The following NEMP2 variants were observed in gnomAD, a reference collection of about 807,000 sequenced individuals.
The protein encoded by NEMP2 is UPF0571 transmembrane protein.
In NEMP2, 53 loss-of-function variants were observed where a neutral mutation model predicts 54.2. The observed-to-expected ratio is 0.98, with a 90% CI of 0.78 to 1.23. The LOEUF (loss-of-function observed/expected upper bound fraction) is 1.23. NEMP2 is among the 50% of genes most tolerant of loss of function. NEMP2 has a pLI of 0.00. For synonymous variants in NEMP2, 197 were observed against 190.3 expected (o/e 1.04, Z -0.29); for missense variants, 455 against 511.3 (o/e 0.89, Z 1.06).
chr2:190,593,044 G>C, the NEMP2 span, among the ~76,000 whole-genome samples: 1 of 152,068 alleles, frequency 6.6e-6, no homozygotes, highest in African/African-American at 2.4e-5. The surrounding 1 kb of genome is among the most constrained non-coding windows in gnomAD (Gnocchi z 4.5). Flanking sequence ...CCAAGGCTTG[G>C]GTATGGCCAT....
rs1691058055 is a variant in NEMP2 at position 190,529,308 on chromosome 2, A to G, written c.98-3930T>C. ...CCCTTCCAGGGACCTGAGTGCCTCT[A>G]TGACCTTCCCTCCTCCACCTTCCCT... On this transcript the variant is annotated intron_variant, in intron 1 of 8. Transcript: ENST00000409150. The surrounding 1 kb of genome is among the most constrained non-coding windows in gnomAD (Gnocchi z 4.7). 6.6e-6 allele frequency among the ~76,000 whole-genome samples: 1 copy of G among 152,112 alleles called. No individual in the cohort carries two copies. Among genetic ancestry groups the G allele is most frequent in the African/African-American group, 2.4e-5 (1 of 41,406 alleles).
the NEMP2 span, among the ~76,000 whole-genome samples, chr2:190,434,197 A>AAG: frequency 6.8e-6 from 1 of 147,124 alleles, no homozygotes. The surrounding 1 kb of genome is among the most constrained non-coding windows in gnomAD (Gnocchi z 4.3). Context: ...AAAAAAAAAG[A>AAG]AAAAAAAGAA....
the NEMP2 span, chr2:190,463,750 G>T: frequency 4.9e-6 from 2 of 410,966 alleles, no homozygotes; most frequent in Non-Finnish European, 6.6e-6. This position sits in a 1 kb window ranked among gnomAD's most constrained non-coding sequence, Gnocchi z 4.4. Flanking sequence ...GGCTCTGGTG[G>T]TCAAGGCTGC....
chr2:190,474,587 CA>C, the NEMP2 span, among the ~76,000 whole-genome samples: 4 of 151,928 alleles, frequency 2.6e-5, no homozygotes, highest in Non-Finnish European at 5.9e-5. Context: ...GCTTACCAAC[CA>C]AAAAAAGTCC....
chr2:190,554,794 T>A, the NEMP2 span, among the ~76,000 whole-genome samples: 1 of 152,180 alleles, frequency 6.6e-6, no homozygotes, highest in East Asian at 1.9e-4. This position sits in a 1 kb window ranked among gnomAD's most constrained non-coding sequence, Gnocchi z 5.7. Context: ...CACAGCACAG[T>A]GTTCAGGCTC....
chr2:190,459,018 G>A, the NEMP2 span, among the ~76,000 whole-genome samples: 1 of 152,354 alleles, frequency 6.6e-6, no homozygotes. The surrounding 1 kb of genome is among the most constrained non-coding windows in gnomAD (Gnocchi z 5.3). Flanking sequence ...GACGTAGAGA[G>A]TGGGTCCATC....
At chr2:190,593,003 T>C in the NEMP2 span, among the ~76,000 whole-genome samples, 48 of 152,324 alleles carry the variant, frequency 3.2e-4, no homozygotes, top group African/African-American at 1.1e-3. This position sits in a 1 kb window ranked among gnomAD's most constrained non-coding sequence, Gnocchi z 4.5. Flanking sequence ...CTATTACTCA[T>C]CCTGAGTCTT....
chr2:190,477,828 C>T, the NEMP2 span, among the ~76,000 whole-genome samples: 1 of 152,212 alleles, frequency 6.6e-6, no homozygotes, highest in South Asian at 2.1e-4. Flanking sequence ...CTTTGTGAAG[C>T]AGGGAGTGGG....
At chr2:190,444,197 G>C in the NEMP2 span, among the ~76,000 whole-genome samples, 1 of 152,182 alleles carries the variant, frequency 6.6e-6, no homozygotes, top group Non-Finnish European at 1.5e-5. Flanking sequence ...TGAAATAAAA[G>C]GTAATAACTT....
chr2:190,473,290 G>C, the NEMP2 span, among the ~76,000 whole-genome samples: 3 of 152,126 alleles, frequency 2.0e-5, no homozygotes, highest in African/African-American at 4.8e-5. Context: ...ACACAGACTG[G>C]CAAATTGGAT....
the NEMP2 span, among the ~76,000 whole-genome samples, chr2:190,620,677 AG>A: frequency 6.6e-6 from 1 of 152,232 alleles, no homozygotes; most frequent in Non-Finnish European, 1.5e-5. This position sits in a 1 kb window ranked among gnomAD's most constrained non-coding sequence, Gnocchi z 4.9. Flanking sequence ...CAATAGTGAA[AG>A]ACTAGATGAT....
the NEMP2 span, among the ~76,000 whole-genome samples, chr2:190,427,318 G>A: frequency 1.3e-5 from 2 of 152,184 alleles, no homozygotes; most frequent in African/African-American, 2.4e-5. Context: ...GCTTGGTGAG[G>A]GCAGAATTGT....
chr2:190,566,743 GAA>G, the NEMP2 span, among the ~76,000 whole-genome samples: 10 of 147,222 alleles, frequency 6.8e-5, no homozygotes, highest in Non-Finnish European at 1.2e-4. Flanking sequence ...AGAAAGAAAA[GAA>G]AAAAAAAGAA....
chr2:190,469,998 G>C, the NEMP2 span: 1 of 590,134 alleles, frequency 1.7e-6, no homozygotes, highest in Admixed American at 3.2e-5. The surrounding 1 kb of genome is among the most constrained non-coding windows in gnomAD (Gnocchi z 5.3). Context: ...TTAAGGAAGA[G>C]ATGACATCAG....
chr2:190,647,130 A>C, the NEMP2 span, among the ~76,000 whole-genome samples: 3 of 152,224 alleles, frequency 2.0e-5, no homozygotes, highest in Non-Finnish European at 4.4e-5. Context: ...TAGGGAGACT[A>C]AGAGAAACTT....
At chr2:190,500,145 C>T (rs755749992), downstream of NEMP2, 40 of 1,614,192 alleles carry the variant, frequency 2.5e-5, no homozygotes, top group Non-Finnish European at 3.3e-5. This position sits in a 1 kb window ranked among gnomAD's most constrained non-coding sequence, Gnocchi z 5.3. Flanking sequence ...ACCAGCCCCG[C>T]TCACCCCAGT....
rs78429566 is a variant in NEMP2 at position 190,519,290 on chromosome 2, C to CT, written c.214-108dup. 6.7e-4 allele frequency: 503 copies of CT among 756,140 alleles called. No homozygotes were observed. The East Asian group carries it at 0.013, about 19-fold the overall frequency. The allele number at this position is 756,140 out of a possible 1,614,324, so 46.8% of individuals were successfully genotyped here. A position where few individuals can be genotyped will look rare whatever the true frequency, so the allele number is the denominator to read the frequency against. On this transcript the variant is annotated intron_variant, in intron 2 of 8. Coordinates refer to ENST00000409150, the MANE Select transcript of NEMP2 (RefSeq NM_001142645.2). This position sits in a 1 kb window ranked among gnomAD's most constrained non-coding sequence, Gnocchi z 5.4. Reference sequence around the variant, plus strand: ...AGAATGGAGTGCAGTGGCAGGATCTCTGCTCACTGCAACCTGTGCCTCCAG... The same window carrying CT: ...AGAATGGAGTGCAGTGGCAGGATCTCTTGCTCACTGCAACCTGTGCCTCCAG...
chr2:190,574,384 G>A, the NEMP2 span, among the ~76,000 whole-genome samples: 5 of 152,198 alleles, frequency 3.3e-5, 1 homozygote, highest in South Asian at 8.3e-4. Flanking sequence ...CAATTGGAGT[G>A]GAGTGAGTCA....
upstream of NEMP2, among the ~76,000 whole-genome samples, chr2:190,538,098 G>GA (rs1278259824): frequency 2.0e-5 from 3 of 151,978 alleles, no homozygotes; most frequent in South Asian, 4.2e-4. The surrounding 1 kb of genome is among the most constrained non-coding windows in gnomAD (Gnocchi z 4.1). Context: ...CTAAAACAGG[G>GA]AAAAAAAGGC....
Sources: gnomAD v4.1 joint callset for allele counts (sites outside exome capture counted in the v4.1 genomes callset) on GRCh38, gnomAD v4.1.1 for gene constraint, Gnocchi (gnomAD v3.1) non-coding constraint, MANE v1.5 for transcripts, NCBI Gene and HGNC (gene_info 2026-07-23, HGNC 2026-07-21) for gene names.